Variants in FBXL7 observed in about 807,000 individuals in gnomAD.
FBXL7 encodes F-box and leucine rich repeat protein 7.
FBXL7 carries 12 observed loss-of-function variants against 38.3 expected under a neutral mutation model. The ratio of observed to expected loss-of-function variants is 0.31; its 90% CI spans 0.20 to 0.51. FBXL7 has a LOEUF of 0.51. FBXL7 is among the 20% of genes least tolerant of loss of function. The pLI, the probability that FBXL7 is intolerant of heterozygous loss-of-function variation, is 0.98. For missense variants in FBXL7, 567 were observed against 676.4 expected, an observed-to-expected ratio of 0.84 and a Z score of 1.79; for synonymous variants, 297 against 300.9, an observed-to-expected ratio of 0.99 and a Z score of 0.13.
chr5:15,810,797 T>C (rs1178087023), intron 2 of FBXL7, among the ~76,000 whole-genome samples: 1 of 152,170 alleles, frequency 6.6e-6, no homozygotes, highest in Non-Finnish European at 1.5e-5. Flanking sequence ...TTCTTTCTCT[T>C]CCCAACTCTA....
At chr5:15,679,347 G>A (rs1025311153) in intron 2 of FBXL7, among the ~76,000 whole-genome samples, 4 of 152,112 alleles carry the variant, frequency 2.6e-5, no homozygotes, top group Non-Finnish European at 4.4e-5. Context: ...ATTTAACAGC[G>A]AATGGGCTTT....
At chr5:15,591,955 C>A (rs1668572179) in intron 1 of FBXL7, among the ~76,000 whole-genome samples, 1 of 152,242 alleles carries the variant, frequency 6.6e-6, no homozygotes, top group South Asian at 2.1e-4. Context: ...TGTGATCCGC[C>A]CGCCTTGGCC....
chr5:15,538,921 C>G (rs1487836405), intron 1 of FBXL7, among the ~76,000 whole-genome samples: 1 of 151,836 alleles, frequency 6.6e-6, no homozygotes. Context: ...ATTAGAGGAG[C>G]CTGTGAAATA....
chr5:15,665,677 A>G (rs1268245327), intron 2 of FBXL7, among the ~76,000 whole-genome samples: 1 of 152,174 alleles, frequency 6.6e-6, no homozygotes, highest in Admixed American at 6.5e-5. Context: ...CTTCAGATGA[A>G]CAGAGTAGAG....
intron 2 of FBXL7, among the ~76,000 whole-genome samples, chr5:15,790,032 A>G (rs1336723879): frequency 6.6e-6 from 1 of 152,144 alleles, no homozygotes; most frequent in Non-Finnish European, 1.5e-5. Flanking sequence ...TTTACCTTCC[A>G]CTAAAACCTC....
In FBXL7 at chr5:15,580,837, A is replaced by G. The variant is rs550053761; in HGVS notation, c.38-35146A>G. On this transcript the variant is annotated intron_variant, in intron 1 of 3. Transcript: ENST00000504595. The stretch of plus-strand genomic sequence containing the variant: ...GGTGAGCAGAGTCATGGGCCTGGAG[A>G]CTATCCCAGCGACACTGGTTGATGC... 2.8e-5 allele frequency: 28 copies of G among 984,460 alleles called. No homozygotes were observed. The African/African-American group carries it at 4.5e-4, about 16-fold the overall frequency. 61.0% of individuals were successfully genotyped at this position (984,460 alleles called of 1,614,324 possible).
intron 1 of FBXL7, among the ~76,000 whole-genome samples, chr5:15,586,581 G>T (rs978270983): frequency 1.3e-5 from 2 of 152,024 alleles, no homozygotes; most frequent in African/African-American, 4.8e-5. Context: ...GGTTGAACCA[G>T]ATCTCTAGCT....
intron 2 of FBXL7, among the ~76,000 whole-genome samples, chr5:15,764,421 A>G (rs1736530919): frequency 6.6e-6 from 1 of 152,220 alleles, no homozygotes; most frequent in African/African-American, 2.4e-5. Flanking sequence ...AGAGATAAGC[A>G]TTGTAGAAGT....
intron 1 of FBXL7, among the ~76,000 whole-genome samples, chr5:15,529,548 G>C (rs143419593): frequency 1.3e-5 from 2 of 151,976 alleles, no homozygotes; most frequent in South Asian, 2.1e-4. Flanking sequence ...ACCATGCCCG[G>C]CTAATTTTTT....
At chr5:15,515,638 T>G (rs971816997) in intron 1 of FBXL7, among the ~76,000 whole-genome samples, 2 of 152,146 alleles carry the variant, frequency 1.3e-5, no homozygotes, top group Admixed American at 1.3e-4. Context: ...AAGCAGCAGA[T>G]GGTTATAGTT....
chr5:15,511,061 C>G (rs1210613271), intron 1 of FBXL7, among the ~76,000 whole-genome samples: 17 of 152,148 alleles, frequency 1.1e-4, no homozygotes, highest in Non-Finnish European at 1.5e-5. Flanking sequence ...CTTTCCCAAT[C>G]TTTGTTTTGT....
chr5:15,592,708 A>C (rs1739519314), intron 1 of FBXL7, among the ~76,000 whole-genome samples: 1 of 152,070 alleles, frequency 6.6e-6, no homozygotes, highest in South Asian at 2.1e-4. Flanking sequence ...CCGGACCTTT[A>C]GTTTTTGGAG....
intron 2 of FBXL7, among the ~76,000 whole-genome samples, chr5:15,871,523 C>T (rs1739963822): frequency 1.3e-5 from 2 of 152,168 alleles, no homozygotes; most frequent in Non-Finnish European, 2.9e-5. Context: ...GGAGCATGTT[C>T]TAACCCAATG....
intron 2 of FBXL7, among the ~76,000 whole-genome samples, chr5:15,689,269 T>TG (rs1317653128): frequency 2.2e-5 from 3 of 136,178 alleles, no homozygotes; most frequent in Non-Finnish European, 4.6e-5. Flanking sequence ...TATTTTCAGT[T>TG]TTTTTTTTTT....
rs566663869 is a variant in FBXL7, at chr5:15,570,715, G to A, written c.38-45268G>A. Among the ~76,000 whole-genome samples, 12 of 152,158 alleles carry A rather than the reference G, an allele frequency of 7.9e-5. No individual in the cohort carries two copies. In the South Asian group the frequency reaches 1.9e-3, roughly 24 times the overall value. The stretch of plus-strand genomic sequence containing the variant: ...GGTGGTTTCCTGCAGCTCCACACAC[G>A]GCTCGGCCTGGACTTGGGAGACCAG... On this transcript the variant is annotated intron_variant, in intron 1 of 3. Coordinates refer to ENST00000504595, the MANE Select transcript of FBXL7 (RefSeq NM_012304.5).
intron 2 of FBXL7, among the ~76,000 whole-genome samples, chr5:15,650,081 A>G (rs184332386): frequency 2.0e-4 from 31 of 152,218 alleles, no homozygotes; most frequent in Non-Finnish European, 3.4e-4. Flanking sequence ...TTTTCTTCAC[A>G]TTTCTATCAT....
intron 2 of FBXL7, among the ~76,000 whole-genome samples, chr5:15,621,934 C>T (rs1441260320): frequency 6.6e-6 from 1 of 152,044 alleles, no homozygotes; most frequent in African/African-American, 2.4e-5. Context: ...ATGAAATCAC[C>T]ATCTGTTTAT....
chr5:15,899,254 C>T (rs1472442474), intron 2 of FBXL7, among the ~76,000 whole-genome samples: 4 of 151,998 alleles, frequency 2.6e-5, no homozygotes, highest in Non-Finnish European at 4.4e-5. Context: ...TTAGTAGAGA[C>T]GGGGTTTCTC....
At chr5:15,875,782 G>C (rs1415417111) in intron 2 of FBXL7, among the ~76,000 whole-genome samples, 2 of 152,168 alleles carry the variant, frequency 1.3e-5, no homozygotes, top group Admixed American at 6.5e-5. Context: ...GGAGAAATAA[G>C]AAAGCTTTTA....
Sources: gnomAD v4.1 joint callset for allele counts (sites outside exome capture counted in the v4.1 genomes callset) on GRCh38, gnomAD v4.1.1 for gene constraint, MANE v1.5 for transcripts, NCBI Gene and HGNC (gene_info 2026-07-23, HGNC 2026-07-21) for gene names.